The following SPAG9 variants were observed in gnomAD, a reference collection of about 807,000 sequenced individuals.
SPAG9 encodes C-Jun-amino-terminal kinase-interacting protein 4.
A neutral mutation model predicts 166.5 loss-of-function variants in SPAG9; 35 were observed. The observed-to-expected ratio is 0.21, with a 90% confidence interval of 0.16 to 0.28. SPAG9 has a LOEUF of 0.28. SPAG9 is among the 10% of genes least tolerant of loss of function. SPAG9 has a pLI of 1.00. For synonymous variants in SPAG9, 534 were observed against 565.5 expected (o/e 0.94, Z 0.79); for missense variants, 1,235 against 1,603.3 (o/e 0.77, Z 3.92).
At chr17:51,104,656 G>A (rs1055469658) in intron 1 of SPAG9, among the ~76,000 whole-genome samples, 10 of 151,770 alleles carry the variant, frequency 6.6e-5, no homozygotes, top group Admixed American at 2.6e-4. Context: ...TAAATAGGCC[G>A]GGTGCGGTGG....
At chr17:51,093,519 G>A (rs1423804581) in intron 1 of SPAG9, among the ~76,000 whole-genome samples, 1 of 151,768 alleles carries the variant, frequency 6.6e-6, no homozygotes, top group African/African-American at 2.4e-5. Context: ...TGGCTAACAT[G>A]GTGAAACCCC....
chr17:51,066,567 G>GAAAAAAAAAAAAAAAA (rs71149340), intron 2 of SPAG9, among the ~76,000 whole-genome samples: 9 of 110,832 alleles, frequency 8.1e-5, no homozygotes, highest in African/African-American at 1.1e-4. Context: ...AAAAAAAAAA[G>GAAAAAAAAAAAAAAAA]AAAAAAAAAA....
At chr17:51,046,865 C>A (rs1407595276) in intron 4 of SPAG9, 1 of 1,528,954 alleles carries the variant, frequency 6.5e-7, no homozygotes. Flanking sequence ...AGCTGCTGCT[C>A]CTAGCATTTA....
rs371983782 is a variant in SPAG9 at position 51,074,129 on chromosome 17, G to A, written c.424+5455C>T. Among the ~76,000 whole-genome samples, 516 of 152,292 alleles carry A rather than the reference G, an allele frequency of 3.4e-3. 3 individuals are homozygous for A. The highest frequency in any genetic ancestry group is 0.011 in the African/African-American group (458 of 41,560). On this transcript the variant is annotated intron_variant, in intron 2 of 29. Transcript: ENST00000262013. ...CGGGCGCCTGTAGTCCCAGCTACTC[G>A]GGAGGCTGAGGCAGGAGAATGGCGT... is the stretch of plus-strand genomic sequence containing the variant.
chr17:51,095,896 CAGTGATATATATAGTGATATATATAT>C (rs1568083540), intron 1 of SPAG9, among the ~76,000 whole-genome samples: 4 of 135,262 alleles, frequency 3.0e-5, no homozygotes, highest in Middle Eastern at 4.0e-3. Context: ...GTGATATATA[CAGTGATATATATAGTGATATATATAT>C]AGTGATATAT....
intron 1 of SPAG9, among the ~76,000 whole-genome samples, chr17:51,083,591 G>C (rs12601268): frequency 8.0e-6 from 1 of 124,320 alleles, no homozygotes; most frequent in Admixed American, 8.4e-5. Context: ...TTAAGATGTA[G>C]GTCTCACTAT....
intron 15 of SPAG9, among the ~76,000 whole-genome samples, chr17:50,998,051 T>TTTTA (rs1567978804): frequency 6.9e-6 from 1 of 144,536 alleles, no homozygotes; most frequent in African/African-American, 2.6e-5. Context: ...TTTTTTTTTT[T>TTTTA]AAAGATGGAA....
At chr17:51,096,038 G>GAT (rs377753534) in intron 1 of SPAG9, among the ~76,000 whole-genome samples, 7,119 of 91,826 alleles carry the variant, frequency 0.078, 583 homozygotes, top group Middle Eastern at 0.1. Flanking sequence ...TATATATAGT[G>GAT]ATATATATAT....
intron 5 of SPAG9, among the ~76,000 whole-genome samples, chr17:51,034,202 C>A (rs1325416008): frequency 6.6e-6 from 1 of 152,172 alleles, no homozygotes; most frequent in Non-Finnish European, 1.5e-5. Flanking sequence ...AACACATAAT[C>A]CATTTTTTTC....
Position 50,970,046 on chromosome 17 carries a change from GTTGT to G in SPAG9, c.3850+657_3850+660del, listed in dbSNP as rs997441934. ...TTAGGTGAGAAAATGAACAAATGAA[GTTGT>G]TTAAGAAATATTTTTATTTCTCCAT... is the stretch of plus-strand genomic sequence containing the variant. On this transcript the variant is annotated intron_variant, in intron 29 of 29. Transcript: ENST00000262013. Among the ~76,000 whole-genome samples the G allele has an allele frequency of 8.3e-4, 126 of 152,274 alleles. 2 individuals carry two copies. The highest frequency in any genetic ancestry group is 2.8e-3 in the African/African-American group (117 of 41,552).
chr17:51,038,494 A>T (rs2046707699), intron 5 of SPAG9, among the ~76,000 whole-genome samples: 1 of 152,216 alleles, frequency 6.6e-6, no homozygotes, highest in South Asian at 2.1e-4. Flanking sequence ...ATGAGGACTG[A>T]GAATTTTCCA....
intron 8 of SPAG9, chr17:51,014,676 T>TTAG (rs1206423602): frequency 5.0e-6 from 1 of 201,036 alleles, no homozygotes; most frequent in African/African-American, 2.3e-5. Flanking sequence ...AAGGCAATTA[T>TTAG]GTATGTAAAA....
chr17:51,063,250 A>G (rs879718615), intron 2 of SPAG9, among the ~76,000 whole-genome samples: 3 of 151,878 alleles, frequency 2.0e-5, no homozygotes, highest in Non-Finnish European at 4.4e-5. Flanking sequence ...CTCTACAAAA[A>G]ATACAAAAAA....
chr17:51,004,281 G>C (rs531189065), intron 12 of SPAG9, among the ~76,000 whole-genome samples: 1 of 152,220 alleles, frequency 6.6e-6, no homozygotes, highest in Non-Finnish European at 1.5e-5. Flanking sequence ...GGTTCACAAT[G>C]TTAATTTATT....
Position 51,003,607 on chromosome 17 carries a change from T to A in SPAG9, c.1476+1605A>T, listed in dbSNP as rs1038188199. On this transcript the variant is annotated intron_variant, in intron 12 of 29. Transcript: ENST00000262013. ...TTAGACAGAGTATGTGAATATAGAGTGAGCACAGGGGTAAGACCTCAAGGG... is the reference window on the plus strand; with the variant it reads ...TTAGACAGAGTATGTGAATATAGAGAGAGCACAGGGGTAAGACCTCAAGGG... Among the ~76,000 whole-genome samples, 3 of 152,070 alleles carry A rather than the reference T, an allele frequency of 2.0e-5. No individual in the cohort carries two copies. In the East Asian group the frequency reaches 5.8e-4, roughly 29 times the overall value.
intron 5 of SPAG9, among the ~76,000 whole-genome samples, chr17:51,034,760 GTGAA>G (rs2046521146): frequency 6.6e-6 from 1 of 152,182 alleles, no homozygotes; most frequent in African/African-American, 2.4e-5. Context: ...GCTAAAATCA[GTGAA>G]TGAAAGTTTG....
intron 1 of SPAG9, among the ~76,000 whole-genome samples, chr17:51,087,073 G>A (rs1434763359): frequency 2.0e-5 from 3 of 152,138 alleles, no homozygotes; most frequent in Admixed American, 6.6e-5. Context: ...AACTTTCAAA[G>A]AATAATCAAG....
chr17:51,117,435 G>A (rs543722340), intron 1 of SPAG9, among the ~76,000 whole-genome samples: 13 of 152,130 alleles, frequency 8.5e-5, no homozygotes, highest in East Asian at 3.9e-4. Context: ...CAAACAGGCC[G>A]GCACGGTGGC....
intron 2 of SPAG9, among the ~76,000 whole-genome samples, chr17:51,074,152 C>T (rs369481163): frequency 1.3e-5 from 2 of 152,172 alleles, no homozygotes; most frequent in South Asian, 4.1e-4. Flanking sequence ...AGGAGAATGG[C>T]GTGAACCCGG....
Sources: gnomAD v4.1 joint callset for allele counts (sites outside exome capture counted in the v4.1 genomes callset) on GRCh38, gnomAD v4.1.1 for gene constraint, MANE v1.5 for transcripts, NCBI Gene and HGNC (gene_info 2026-07-23, HGNC 2026-07-21) for gene names.